The following ARHGAP23 variants were observed in gnomAD, a reference collection of about 807,000 sequenced individuals.
The protein encoded by ARHGAP23 is Rho GTPase activating protein 23, also known as rho GTPase-activating protein 23.
A neutral mutation model predicts 136.3 loss-of-function variants in ARHGAP23; 34 were observed. The observed-to-expected ratio is 0.25, with a 90% CI of 0.19 to 0.33. The LOEUF (loss-of-function observed/expected upper bound fraction) is 0.33. Ranked by LOEUF, ARHGAP23 falls within the 10% of genes least tolerant of loss-of-function variation. ARHGAP23 has a pLI of 1.00. For synonymous variants in ARHGAP23, 832 were observed against 920.5 expected (o/e 0.90, Z 1.74); for missense variants, 1,808 against 2,139.0 (o/e 0.85, Z 3.05).
chr17:38,468,695 T>C (rs1042332834), intron 7 of ARHGAP23, among the ~76,000 whole-genome samples: 2 of 152,176 alleles, frequency 1.3e-5, no homozygotes, highest in African/African-American at 4.8e-5. Flanking sequence ...GGAGATGTCA[T>C]CTCTGCCCTT....
At chr17:38,472,380 C>G (rs1369078748) in intron 11 of ARHGAP23, among the ~76,000 whole-genome samples, 1 of 151,534 alleles carries the variant, frequency 6.6e-6, no homozygotes, top group African/African-American at 2.4e-5. Context: ...AAGACGCAGG[C>G]AAGCCAGCAA....
At chr17:38,439,195 G>A (rs901146291) in intron 1 of ARHGAP23, among the ~76,000 whole-genome samples, 12 of 151,494 alleles carry the variant, frequency 7.9e-5, no homozygotes, top group Non-Finnish European at 1.8e-4. Flanking sequence ...AAAAAAGAGT[G>A]GGAGTATGTC....
intron 1 of ARHGAP23, among the ~76,000 whole-genome samples, chr17:38,420,402 A>T (rs894082894): frequency 1.3e-5 from 2 of 152,148 alleles, no homozygotes; most frequent in African/African-American, 4.8e-5. Context: ...CAGCCGCCCT[A>T]ACTCCCTTCT....
intron 16 of ARHGAP23, among the ~76,000 whole-genome samples, chr17:38,483,814 G>C (rs1389473598): frequency 1.3e-5 from 2 of 152,192 alleles, no homozygotes; most frequent in African/African-American, 4.8e-5. Flanking sequence ...GGAATGAATA[G>C]GAGGGGGCAG....
At chr17:38,497,034 A>G (rs2040407097) in intron 20 of ARHGAP23, among the ~76,000 whole-genome samples, 1 of 151,986 alleles carries the variant, frequency 6.6e-6, no homozygotes, top group Non-Finnish European at 1.5e-5. Context: ...AGGTTCCTTC[A>G]ACACGTCAAA....
intron 23 of ARHGAP23, among the ~76,000 whole-genome samples, chr17:38,503,637 C>A (rs1456185026): frequency 6.6e-6 from 1 of 152,212 alleles, no homozygotes; most frequent in Non-Finnish European, 1.5e-5. Flanking sequence ...GCTCACAGGC[C>A]ACTGCCTCCC....
chr17:38,507,330 C>T (rs2040657761), intron 23 of ARHGAP23, among the ~76,000 whole-genome samples: 1 of 140,394 alleles, frequency 7.1e-6, no homozygotes, highest in Admixed American at 7.0e-5. Flanking sequence ...GCAAGGGTCC[C>T]CTGTAAGCTC....
intron 16 of ARHGAP23, among the ~76,000 whole-genome samples, chr17:38,482,947 C>T (rs2040079981): frequency 2.0e-5 from 3 of 152,072 alleles, no homozygotes; most frequent in African/African-American, 7.2e-5. Flanking sequence ...CAGTTTTGTC[C>T]GAGTGTTTAG....
chr17:38,428,382 G>C (rs1227174836), upstream of ARHGAP23: 11,645 of 402,386 alleles, frequency 0.029, 239 homozygotes, highest in Middle Eastern at 0.13. Context: ...CCCCGGGGGG[G>C]GCCCCCCCAC....
chr17:38,420,172 C>A (rs2038505926), intron 1 of ARHGAP23, among the ~76,000 whole-genome samples: 1 of 152,212 alleles, frequency 6.6e-6, no homozygotes, highest in Admixed American at 6.5e-5. Context: ...CTCAGCAAAT[C>A]CCAGACAGGC....
intron 1 of ARHGAP23, chr17:38,454,073 C>A (rs2039263837): frequency 6.7e-6 from 1 of 149,726 alleles, no homozygotes; most frequent in Admixed American, 6.7e-5. Flanking sequence ...GCCCCGGAAC[C>A]GCGCTGCCTC....
chr17:38,460,340 A>C (rs1165840835), intron 2 of ARHGAP23, among the ~76,000 whole-genome samples: 1 of 151,688 alleles, frequency 6.6e-6, no homozygotes, highest in African/African-American at 2.4e-5. Context: ...GAGTATTGTC[A>C]CTTGCTGTTG....
chr17:38,501,427 G>C (rs1337489556), intron 23 of ARHGAP23, among the ~76,000 whole-genome samples: 2 of 151,946 alleles, frequency 1.3e-5, no homozygotes, highest in African/African-American at 4.8e-5. Flanking sequence ...TCAGCCTCCC[G>C]AGTAGCTGGG....
rs1283584456 is a variant in ARHGAP23 at position 38,458,192 on chromosome 17, G to T, written c.154G>T (p.Asp52Tyr). 3.3e-6 allele frequency: 5 copies of T among 1,535,982 alleles called. No individual in the cohort carries two copies. The highest frequency in any genetic ancestry group is 1.2e-5 in the South Asian group (1 of 84,058). The change falls in exon 2 of 24, where the codon GAC (aspartate) becomes TAC (tyrosine). Residue 52 changes from aspartate (D) to tyrosine (Y), a missense_variant. Coordinates refer to ENST00000622683, the MANE Select transcript of ARHGAP23 (RefSeq NM_001199417.2). ...RTLLLYKSPQ[D>Y]GFGFTLRHFI... ...GCTGCTGCTGTACAAAAGTCCCCAGGACGGCTTTGGCTTCACTCTGCGCCA... is the reference window on the plus strand; with the variant it reads ...GCTGCTGCTGTACAAAAGTCCCCAGTACGGCTTTGGCTTCACTCTGCGCCA...
At chr17:38,431,483 C>A (rs2038684666) in intron 1 of ARHGAP23, among the ~76,000 whole-genome samples, 3 of 152,120 alleles carry the variant, frequency 2.0e-5, no homozygotes, top group Admixed American at 2.0e-4. Context: ...CTGGTGCTGC[C>A]TTTCCCCTAG....
At chr17:38,498,900 C>T (rs745613080) in intron 22 of ARHGAP23, 2 of 697,850 alleles carry the variant, frequency 2.9e-6, no homozygotes, top group Admixed American at 2.0e-5. Context: ...CCTCCCACCC[C>T]CTTCTCTTCT....
intron 14 of ARHGAP23, among the ~76,000 whole-genome samples, chr17:38,481,369 G>A (rs1389170237): frequency 4.0e-5 from 6 of 151,754 alleles, no homozygotes; most frequent in East Asian, 3.9e-4. Flanking sequence ...GGATGGTCTC[G>A]ATCTCCTGAC....
At chr17:38,488,152 C>T (rs759843046) in intron 17 of ARHGAP23, among the ~76,000 whole-genome samples, 1 of 152,148 alleles carries the variant, frequency 6.6e-6, no homozygotes, top group Non-Finnish European at 1.5e-5. Context: ...AAGTGATCAT[C>T]GCGCCTCGGC....
chr17:38,465,946 C>T (rs955342987), intron 6 of ARHGAP23, among the ~76,000 whole-genome samples: 1 of 152,080 alleles, frequency 6.6e-6, no homozygotes, highest in Non-Finnish European at 1.5e-5. Context: ...CCCACTTTTG[C>T]TGGAGTTTGC....
Sources: allele counts gnomAD v4.1 joint callset (sites outside exome capture counted in the v4.1 genomes callset), GRCh38; gene constraint gnomAD v4.1.1; transcripts MANE v1.5; gene names NCBI Gene and HGNC (gene_info 2026-07-23, HGNC 2026-07-21).